The following NRL variants were observed in gnomAD, a reference collection of about 807,000 sequenced individuals.
The protein encoded by NRL is neural retina-specific leucine zipper protein.
Under a neutral mutation model 12.5 loss-of-function variants are expected in NRL, and 16 were observed. The ratio of observed to expected loss-of-function variants is 1.28; its 90% confidence interval spans 0.87 to 1.95. The LOEUF (loss-of-function observed/expected upper bound fraction) is 1.95. Ranked by LOEUF, NRL falls within the 30% of genes most tolerant of loss-of-function variation. The pLI, the probability that NRL is intolerant of heterozygous loss-of-function variation, is 0.00. For synonymous variants in NRL, 142 were observed against 150.9 expected (o/e 0.94, Z 0.43); for missense variants, 314 against 325.8 (o/e 0.96, Z 0.28).
rs1265793396 is a variant in NRL, at chr14:24,094,098, C to T, written c.-27-11223G>A. 4 of 534,654 alleles carry T rather than the reference C, an allele frequency of 7.5e-6. No individual in the cohort carries two copies. Among genetic ancestry groups the T allele is most frequent in the Non-Finnish European group, 1.3e-5 (4 of 305,534 alleles). The allele number at this position is 534,654 out of a possible 1,614,324, so 33.1% of individuals were successfully genotyped here. On this transcript the variant is annotated intron_variant, in intron 1 of 2. Coordinates refer to ENST00000561028, the MANE Select transcript of NRL (RefSeq NM_001354768.3). The surrounding 1 kb of genome is among the most constrained non-coding windows in gnomAD (Gnocchi z 4.1). Reference sequence around the variant, plus strand: ...GGGGCGGGGCCTCGAAGTCGGGGGCCGAAGAGTGGACCCAGTCCTCCAATG... The same window carrying T: ...GGGGCGGGGCCTCGAAGTCGGGGGCTGAAGAGTGGACCCAGTCCTCCAATG...
chr14:24,095,112 C>T (rs2036806806), intron 1 of NRL: 1 of 456,002 alleles, frequency 2.2e-6, no homozygotes, highest in African/African-American at 2.0e-5. Flanking sequence ...CTCTTAGTCT[C>T]CTATTTATTC....
At position 24,082,645 on chromosome 14, in the gene NRL, GC is replaced by G; in HGVS notation, c.203del (p.Gly68AlafsTer23). The G allele has an allele frequency of 6.2e-7, 1 of 1,614,020 alleles. No individual in the cohort carries two copies. The highest frequency in any genetic ancestry group is 8.5e-7 in the Non-Finnish European group (1 of 1,180,016). Reference sequence around the variant, plus strand: ...TAGCCAGCCAGTACAGCTCCTCCAGGCCTGGCCGGGTGCCCTCGGTTGCCCC... The same window carrying G: ...TAGCCAGCCAGTACAGCTCCTCCAGGCTGGCCGGGTGCCCTCGGTTGCCCC... ...MVGATEGTRP[G>X]LEELYWLATL... is the part of the protein sequence containing the mutation. On this transcript the variant is annotated frameshift_variant, in exon 2 of 3. Coordinates refer to ENST00000561028, the MANE Select transcript of NRL (RefSeq NM_001354768.3). LOFTEE classifies it high-confidence loss of function.
At chr14:24,112,189 A>G (rs1346734400) in intron 1 of NRL, among the ~76,000 whole-genome samples, 1 of 120,402 alleles carries the variant, frequency 8.3e-6, no homozygotes, top group Admixed American at 9.0e-5. Flanking sequence ...GATGAAGCCC[A>G]CTTGATCATG....
intron 1 of NRL, among the ~76,000 whole-genome samples, chr14:24,086,978 T>C (rs957974492): frequency 1.3e-5 from 2 of 152,084 alleles, no homozygotes; most frequent in Non-Finnish European, 2.9e-5. Context: ...ATCTCCCATA[T>C]CCACTGGAGA....
chr14:24,104,635 C>A (rs913620716), intron 1 of NRL, among the ~76,000 whole-genome samples: 3 of 141,988 alleles, frequency 2.1e-5, no homozygotes, highest in Non-Finnish European at 3.0e-5. Flanking sequence ...AGCGAAACTC[C>A]GTCACAAAAA....
chr14:24,097,049 T>C (rs542010714), intron 1 of NRL: 3 of 1,613,090 alleles, frequency 1.9e-6, no homozygotes, highest in Non-Finnish European at 2.5e-6. Context: ...CATCCACATC[T>C]GTGATGGAAC....
Position 24,088,356 on chromosome 14 carries a change from A to G in NRL, c.-27-5481T>C, listed in dbSNP as rs575226352. Among the ~76,000 whole-genome samples, 31 of 152,310 alleles carry G rather than the reference A, an allele frequency of 2.0e-4. 1 individual carries two copies. The highest frequency in any genetic ancestry group is 6.3e-4 in the African/African-American group (26 of 41,568). ...GACAAGGGGTAGCTGCTTGCAGGAG[A>G]CTGTGGACAGACTTGGGATGGCCTG... On this transcript the variant is annotated intron_variant, in intron 1 of 2. Transcript: ENST00000561028.
intron 1 of NRL, chr14:24,100,569 C>T (rs2037123036): frequency 9.1e-7 from 1 of 1,102,818 alleles, no homozygotes; most frequent in African/African-American, 1.6e-5. Context: ...TAAATACAGG[C>T]TGGATTTTTT....
In NRL at chr14:24,081,880, G is replaced by A. The variant is rs897921475; in HGVS notation, c.382-312C>T. ...CTGGGATCCCCGGCATCCAGCTCCA[G>A]GCCCGGGTGTGTCCAGTGGACCCGC... On this transcript the variant is annotated intron_variant, in intron 2 of 2. Transcript: ENST00000561028. This position sits in a 1 kb window ranked among gnomAD's most constrained non-coding sequence, Gnocchi z 4.4. 3.7e-6 allele frequency: 5 copies of A among 1,345,704 alleles called. No individual in the cohort carries two copies. Among genetic ancestry groups the A allele is most frequent in the Non-Finnish European group, 4.8e-6 (5 of 1,043,830 alleles). 83.4% of individuals were successfully genotyped at this position (1,345,704 alleles called of 1,614,324 possible). A position where few individuals can be genotyped will look rare whatever the true frequency, so the allele number is the denominator to read the frequency against.
chr14:24,094,876 GCC>G lies in NRL; in HGVS notation c.-27-12003_-27-12002del. 2 of 1,281,984 alleles carry G rather than the reference GCC, an allele frequency of 1.6e-6. No individual in the cohort carries two copies. Among genetic ancestry groups the G allele is most frequent in the Non-Finnish European group, 2.0e-6 (2 of 979,674 alleles). 79.4% of individuals were successfully genotyped at this position (1,281,984 alleles called of 1,614,324 possible). A position where few individuals can be genotyped will look rare whatever the true frequency, so the allele number is the denominator to read the frequency against. On this transcript the variant is annotated intron_variant, in intron 1 of 2. Transcript: ENST00000561028. The surrounding 1 kb of genome is among the most constrained non-coding windows in gnomAD (Gnocchi z 4.1). ...TGAGCCCCGGGAGACTAAGCTCAGA[GCC>G]CCCTAAAGAAGGTGGAAGGTTAAAT...
intron 1 of NRL, among the ~76,000 whole-genome samples, chr14:24,100,716 G>T (rs1864118029): frequency 6.6e-6 from 1 of 152,232 alleles, no homozygotes; most frequent in East Asian, 1.9e-4. Flanking sequence ...CTGCCACTTG[G>T]CTCCCACTGT....
chr14:24,113,858 T>G (rs2037469772), intron 1 of NRL, among the ~76,000 whole-genome samples: 2 of 152,196 alleles, frequency 1.3e-5, no homozygotes, highest in African/African-American at 4.8e-5. Flanking sequence ...GGAGGGAAGC[T>G]CGCAGCTTTC....
rs770726015 is a variant in NRL, at chr14:24,102,844, G to T, written c.-28+11878C>A. 1.9e-6 allele frequency: 3 copies of T among 1,614,018 alleles called. No homozygotes were observed. In the East Asian group the frequency reaches 6.7e-5, roughly 36 times the overall value. ...TGGACCCAGCCTGGGAGGCCCCAGA[G>T]GGTGTCCCCATTGACGCCATCATCT... is the stretch of plus-strand genomic sequence containing the variant. On this transcript the variant is annotated intron_variant, in intron 1 of 2. Transcript: ENST00000561028.
rs372869863 is a variant in NRL at position 24,079,381 on chromosome 14, C to T, written c.*1855G>A. 6.6e-6 allele frequency among the ~76,000 whole-genome samples: 1 copy of T among 152,194 alleles called. No individual in the cohort carries two copies. On this transcript the variant is annotated 3_prime_UTR_variant, in exon 3 of 3. Coordinates refer to ENST00000561028, the MANE Select transcript of NRL (RefSeq NM_001354768.3). ...CCGGAAGGACCCTCCCTGCCCCATC[C>T]TCTCCCTTCAACAATGAGTGTGGAA...
At position 24,100,074 on chromosome 14, in the gene NRL, C is replaced by A. The variant is rs138960895; in HGVS notation, c.-28+14648G>T. Reference sequence around the variant, plus strand: ...CCTCTGCCACCACCAATCCCAACGCCATGGCTACAATCCAGAGTAACACTA... The same window carrying A: ...CCTCTGCCACCACCAATCCCAACGCAATGGCTACAATCCAGAGTAACACTA... On this transcript the variant is annotated intron_variant, in intron 1 of 2. Transcript: ENST00000561028. 4 of 1,612,954 alleles carry A rather than the reference C, an allele frequency of 2.5e-6. No individual in the cohort carries two copies. The South Asian group carries it at 4.4e-5, about 18-fold the overall frequency.
chr14:24,096,822 G>C lies in NRL; in HGVS notation c.-27-13947C>G, dbSNP rs2036905468. The C allele has an allele frequency of 1.1e-5, 16 of 1,414,358 alleles. No homozygotes were observed. In the Admixed American group the frequency reaches 2.6e-4, roughly 23 times the overall value. 87.6% of individuals were successfully genotyped at this position (1,414,358 alleles called of 1,614,324 possible). On this transcript the variant is annotated intron_variant, in intron 1 of 2. Transcript: ENST00000561028. ...TAGCAGGCTGCAGCCCAAGCTTTCT[G>C]TCTCTCCACCACCTGCCTTGTCCAC...
chr14:24,087,019 C>T (rs775439903), intron 1 of NRL, among the ~76,000 whole-genome samples: 7 of 152,104 alleles, frequency 4.6e-5, no homozygotes, highest in African/African-American at 9.7e-5. Context: ...CTAATGGGCT[C>T]AAGGACATCT....
intron 1 of NRL, chr14:24,097,233 A>G: frequency 9.0e-7 from 1 of 1,105,608 alleles, no homozygotes; most frequent in Non-Finnish European, 1.3e-6. Flanking sequence ...TCCCAATGGA[A>G]TGAACAAGAA....
Position 24,098,254 on chromosome 14 carries a change from G to A in NRL, c.-27-15379C>T, listed in dbSNP as rs764682284. The A allele has an allele frequency of 3.8e-5, 62 of 1,613,956 alleles. No individual in the cohort carries two copies. The South Asian group carries it at 4.2e-4, about 11-fold the overall frequency. ...ATGTGGCACGAGTAGAGAGCAAGACGGTGATTGTAACTCCTTCTCAGCGGG... is the reference window on the plus strand; with the variant it reads ...ATGTGGCACGAGTAGAGAGCAAGACAGTGATTGTAACTCCTTCTCAGCGGG... On this transcript the variant is annotated intron_variant, in intron 1 of 2. Coordinates refer to ENST00000561028, the MANE Select transcript of NRL (RefSeq NM_001354768.3).
Sources: gnomAD v4.1 joint callset for allele counts (sites outside exome capture counted in the v4.1 genomes callset) on GRCh38, gnomAD v4.1.1 for gene constraint, Gnocchi (gnomAD v3.1) non-coding constraint, MANE v1.5 for transcripts, NCBI Gene and HGNC (gene_info 2026-07-23, HGNC 2026-07-21) for gene names.